Variants in GRIP1 observed in about 807,000 individuals in gnomAD.
GRIP1 encodes the protein glutamate receptor interacting protein 1.
GRIP1 carries 45 observed loss-of-function variants against 129.9 expected under a neutral mutation model. The ratio of observed to expected loss-of-function variants is 0.35; its 90% CI spans 0.27 to 0.44. The LOEUF is 0.44. Among genes scored for constraint, GRIP1 ranks in the 20% least tolerant of loss-of-function variants. The pLI is 1.00. For missense variants in GRIP1, 1,196 were observed against 1,396.8 expected, an observed-to-expected ratio of 0.86 and a Z score of 2.29; for synonymous variants, 530 against 520.8, an observed-to-expected ratio of 1.02 and a Z score of -0.24.
At chr12:66,503,108 C>T (rs890026269) in intron 7 of GRIP1, among the ~76,000 whole-genome samples, 5 of 152,194 alleles carry the variant, frequency 3.3e-5, no homozygotes, top group Admixed American at 2.6e-4. Flanking sequence ...CGGTCCACAG[C>T]TGTCACAATG....
chr12:67,015,438 G>C (rs2042771804), intron 1 of GRIP1, among the ~76,000 whole-genome samples: 2 of 152,256 alleles, frequency 1.3e-5, no homozygotes, highest in Middle Eastern at 3.4e-3. Flanking sequence ...CTTCAGAGAT[G>C]CTTTAAAATA....
intron 15 of GRIP1, among the ~76,000 whole-genome samples, chr12:66,419,056 G>C (rs986629608): frequency 6.6e-6 from 1 of 152,094 alleles, no homozygotes; most frequent in Non-Finnish European, 1.5e-5. Flanking sequence ...TGTCCACTGA[G>C]AGATAAATGG....
At chr12:66,421,017 G>C (rs961970826) in intron 14 of GRIP1, among the ~76,000 whole-genome samples, 1 of 152,208 alleles carries the variant, frequency 6.6e-6, no homozygotes, top group Non-Finnish European at 1.5e-5. Flanking sequence ...TGTAATTAGA[G>C]AAAGCAATTG....
chr12:66,522,369 C>G (rs2061045754), intron 5 of GRIP1, among the ~76,000 whole-genome samples: 1 of 152,212 alleles, frequency 6.6e-6, no homozygotes. Context: ...ACAGCCACTG[C>G]TGTTCTACAG....
chr12:66,815,856 C>CTTTCTCTG (rs11458006), intron 1 of GRIP1, among the ~76,000 whole-genome samples: 11 of 134,200 alleles, frequency 8.2e-5, no homozygotes, highest in East Asian at 2.4e-4. Flanking sequence ...TTCTTTCTTT[C>CTTTCTCTG]TCTCTCTCTC....
intron 1 of GRIP1, among the ~76,000 whole-genome samples, chr12:66,832,993 G>C (rs1353806814): frequency 6.6e-6 from 1 of 152,106 alleles, no homozygotes; most frequent in South Asian, 2.1e-4. Flanking sequence ...TGTTCCTCCT[G>C]GTGGCTCTTT....
At chr12:66,548,437 G>T (rs1321452967) in intron 2 of GRIP1, among the ~76,000 whole-genome samples, 3 of 152,218 alleles carry the variant, frequency 2.0e-5, no homozygotes, top group Non-Finnish European at 4.4e-5. Flanking sequence ...CCAAGGGCAA[G>T]AACTTATTCC....
intron 1 of GRIP1, among the ~76,000 whole-genome samples, chr12:66,609,478 T>C (rs1053851180): frequency 6.6e-6 from 1 of 152,162 alleles, no homozygotes; most frequent in African/African-American, 2.4e-5. Flanking sequence ...AATTTGTCAA[T>C]GGAAAATAAA....
chr12:66,507,754 CCTTTCTTT>C (rs145153553), intron 7 of GRIP1, among the ~76,000 whole-genome samples: 1,848 of 150,740 alleles, frequency 0.012, 41 homozygotes, highest in East Asian at 0.1. Context: ...ATAGGGCATT[CCTTTCTTT>C]CTTTCTTTCT....
chr12:66,739,285 T>C (rs1013922062), intron 1 of GRIP1, among the ~76,000 whole-genome samples: 1 of 152,120 alleles, frequency 6.6e-6, no homozygotes, highest in Non-Finnish European at 1.5e-5. Flanking sequence ...TTTATCTCAA[T>C]TTTACAGAAG....
chr12:66,851,276 T>A (rs1449691803), intron 1 of GRIP1, among the ~76,000 whole-genome samples: 1 of 151,802 alleles, frequency 6.6e-6, no homozygotes, highest in East Asian at 1.9e-4. Flanking sequence ...ACACAGGACA[T>A]CTGGAAAGTG....
intron 1 of GRIP1, among the ~76,000 whole-genome samples, chr12:66,873,570 T>A (rs894059071): frequency 2.0e-5 from 3 of 152,070 alleles, no homozygotes; most frequent in Admixed American, 6.6e-5. Context: ...CATCAGTATA[T>A]AATTTGACTA....
intron 1 of GRIP1, among the ~76,000 whole-genome samples, chr12:66,930,512 G>A (rs1300002283): frequency 1.3e-5 from 2 of 151,206 alleles, no homozygotes; most frequent in Non-Finnish European, 2.9e-5. Flanking sequence ...ATCATTGTTG[G>A]ACATTTGGGT....
chr12:66,482,985 A>G (rs773307043), intron 7 of GRIP1, among the ~76,000 whole-genome samples: 4 of 152,240 alleles, frequency 2.6e-5, no homozygotes, highest in Admixed American at 6.5e-5. Flanking sequence ...TTTATGGGCT[A>G]CATAATTACA....
intron 1 of GRIP1, among the ~76,000 whole-genome samples, chr12:66,810,473 G>A (rs1056203234): frequency 2.0e-5 from 3 of 152,174 alleles, no homozygotes; most frequent in Non-Finnish European, 2.9e-5. Flanking sequence ...CAGCAGAATC[G>A]CTTGAACCTG....
At chr12:66,879,272 G>GAA (rs34754543) in intron 1 of GRIP1, among the ~76,000 whole-genome samples, 42 of 147,646 alleles carry the variant, frequency 2.8e-4, no homozygotes, top group African/African-American at 1.0e-3. Flanking sequence ...TTGCAAAAAG[G>GAA]AAAAAAAAAA....
chr12:66,690,257 C>A (rs1467487469), intron 1 of GRIP1, among the ~76,000 whole-genome samples: 4 of 151,950 alleles, frequency 2.6e-5, no homozygotes, highest in Non-Finnish European at 5.9e-5. Context: ...TAAGTGAGAT[C>A]ATATAATATT....
Position 66,349,142 on chromosome 12 carries a change from A to G in GRIP1, c.3264T>C (p.Ala1088=). Residue 1088 remains alanine, a synonymous_variant, in exon 25 of 25, where the codon GCT becomes GCC. Transcript: ENST00000359742. ...TCTGTTGGTCTATAGACTTCTGTGA[A>G]GCCAGTGGGTTTCTACTAATAACCA... The part of the protein sequence containing the change: ...LDLVISRNPL[A]SQKSIDQQSL... The G allele has an allele frequency of 6.2e-7, 1 of 1,614,000 alleles. No individual in the cohort carries two copies. The highest frequency in any genetic ancestry group is 8.5e-7 in the Non-Finnish European group (1 of 1,179,864).
intron 1 of GRIP1, among the ~76,000 whole-genome samples, chr12:66,620,816 G>C (rs2065239467): frequency 6.6e-6 from 1 of 151,728 alleles, no homozygotes; most frequent in African/African-American, 2.4e-5. Context: ...CAGGGGAGGA[G>C]GGGGAAGAGT....
Sources: allele counts gnomAD v4.1 joint callset (sites outside exome capture counted in the v4.1 genomes callset), GRCh38; gene constraint gnomAD v4.1.1; transcripts MANE v1.5; gene names NCBI Gene and HGNC (gene_info 2026-07-23, HGNC 2026-07-21).